Variants in TF observed in about 807,000 individuals in gnomAD.
The protein encoded by TF is serotransferrin.
Under a neutral mutation model 82.4 loss-of-function variants are expected in TF, and 55 were observed. The observed-to-expected ratio is 0.67, with a 90% CI of 0.54 to 0.84. TF has a LOEUF of 0.84. TF is among the 40% of genes least tolerant of loss of function. TF has a pLI of 0.00. For synonymous variants in TF, 332 were observed against 332.6 expected, an observed-to-expected ratio of 1.00 and a Z score of 0.02; for missense variants, 737 against 868.4, an observed-to-expected ratio of 0.85 and a Z score of 1.90.
At chr3:133,665,419 A>G in the TF span, among the ~76,000 whole-genome samples, 2 of 150,228 alleles carry the variant, frequency 1.3e-5, no homozygotes, top group Non-Finnish European at 3.0e-5. Context: ...GTGAGTCATG[A>G]TCATGCCACT....
At chr3:133,768,852 G>T (rs1322943294) in intron 13 of TF, among the ~76,000 whole-genome samples, 1 of 142,348 alleles carries the variant, frequency 7.0e-6, no homozygotes. Flanking sequence ...GAGTGTAGTG[G>T]CACACTCATG....
At chr3:133,699,274 G>C in the TF span, among the ~76,000 whole-genome samples, 1 of 152,228 alleles carries the variant, frequency 6.6e-6, no homozygotes, top group South Asian at 2.1e-4. Flanking sequence ...TGAACCAGCT[G>C]TTTCACTCCT....
the TF span, among the ~76,000 whole-genome samples, chr3:133,733,857 C>T: frequency 1.6e-5 from 1 of 63,516 alleles, no homozygotes; most frequent in East Asian, 4.4e-4. Context: ...TTCTTTCCTT[C>T]CTTAAAAAAC....
chr3:133,686,582 A>G, the TF span, among the ~76,000 whole-genome samples: 1 of 152,256 alleles, frequency 6.6e-6, no homozygotes, highest in Non-Finnish European at 1.5e-5. Flanking sequence ...CATGCAGCCA[A>G]CAGACACATG....
In TF at chr3:133,758,828, G is replaced by A. The variant is rs889031357; in HGVS notation, c.1049-347G>A. ...TCTGTGTTGGAGCTTCTGTTCTCCT[G>A]CAGAAAACCTGACAATAAACAATGA... On this transcript the variant is annotated intron_variant, in intron 8 of 16. Coordinates refer to ENST00000402696, the MANE Select transcript of TF (RefSeq NM_001063.4). Among the ~76,000 whole-genome samples, 4 of 152,204 alleles carry A rather than the reference G, an allele frequency of 2.6e-5. No homozygotes were observed. The East Asian group carries it at 7.7e-4, about 29-fold the overall frequency.
At chr3:133,685,903 G>A in the TF span, among the ~76,000 whole-genome samples, 8 of 152,148 alleles carry the variant, frequency 5.3e-5, no homozygotes, top group South Asian at 4.2e-4. Flanking sequence ...AATCCTAAGC[G>A]AAAAGAACAA....
intron 6 of TF, 79 bp downstream of exon 6, chr3:133,756,416 G>T: frequency 6.9e-7 from 1 of 1,439,126 alleles, no homozygotes; most frequent in Non-Finnish European, 9.7e-7. Flanking sequence ...TTCATGCTCA[G>T]TAATTGGAAA....
intron 8 of TF, among the ~76,000 whole-genome samples, chr3:133,758,482 C>T (rs1333852811): frequency 6.6e-6 from 1 of 152,070 alleles, no homozygotes; most frequent in African/African-American, 2.4e-5. Context: ...ATTCTGTTGT[C>T]CTGGAAATTT....
At position 133,759,227 on chromosome 3, in the gene TF, C is replaced by A; in HGVS notation, c.1101C>A (p.Ser367Arg). The change falls in exon 9 of 17, where the codon AGC (serine) becomes AGA (arginine). Residue 367 changes from serine (S) to arginine (R), a missense_variant. By Grantham distance (110) the Ser-to-Arg change is moderately radical. Coordinates refer to ENST00000402696, the MANE Select transcript of TF (RefSeq NM_001063.4). ...AGCCTGTGAAGTGGTGTGCGCTGAGCCACCACGAGAGGCTCAAGTGTGATG... is the reference window on the plus strand; with the variant it reads ...AGCCTGTGAAGTGGTGTGCGCTGAGACACCACGAGAGGCTCAAGTGTGATG... ...ECKPVKWCAL[S>R]HHERLKCDEW... The A allele has an allele frequency of 6.2e-7, 1 of 1,614,076 alleles. No homozygotes were observed.
At chr3:133,695,349 G>A in the TF span, among the ~76,000 whole-genome samples, 2 of 149,274 alleles carry the variant, frequency 1.3e-5, no homozygotes, top group Non-Finnish European at 3.0e-5. Flanking sequence ...CTGGGTTCAA[G>A]CGATTCTCCT....
chr3:133,766,361 G>A lies in TF; in HGVS notation c.1414G>A (p.Ala472Thr). Residue 472 changes from alanine to threonine, a missense_variant, in exon 12 of 17, where the codon GCA (alanine) becomes ACA (threonine). Ala to Thr is a moderately conservative substitution (Grantham distance 58, BLOSUM62 0). Coordinates refer to ENST00000402696, the MANE Select transcript of TF (RefSeq NM_001063.4). ...NLKGKKSCHTAVGRTAGWNIP... is the reference protein window; with the variant it reads ...NLKGKKSCHTTVGRTAGWNIP... ...GAAAGGCAAGAAGTCCTGCCATACG[G>A]CAGTTGGCAGAACCGCTGGCTGGAA... 6.2e-7 allele frequency: 1 copy of A among 1,614,200 alleles called. No homozygotes were observed.
At chr3:133,693,442 T>G in the TF span, among the ~76,000 whole-genome samples, 1 of 152,230 alleles carries the variant, frequency 6.6e-6, no homozygotes, top group Non-Finnish European at 1.5e-5. Flanking sequence ...GCCAGATCTT[T>G]TTGAACTCTG....
At chr3:133,725,051 T>A in the TF span, among the ~76,000 whole-genome samples, 1 of 152,218 alleles carries the variant, frequency 6.6e-6, no homozygotes, top group Non-Finnish European at 1.5e-5. Flanking sequence ...CTGTTTTGGT[T>A]ACTGTAGCCT....
rs1283453349 is a variant in TF at position 133,787,952 on chromosome 3, C to A, written c.*9332C>A. ...TTGGAAGTGAAATGATAACATCAAC[C>A]CTAAGTGACACATGGGCCCATATCC... On this transcript the variant is annotated 3_prime_UTR_variant, in exon 17 of 17. Transcript: ENST00000402696. The A allele has an allele frequency of 6.6e-6, 1 of 152,076 alleles. No homozygotes were observed. The highest frequency in any genetic ancestry group is 1.5e-5 in the Non-Finnish European group (1 of 68,008). 9.4% of individuals were successfully genotyped at this position (152,076 alleles called of 1,614,324 possible). A position where few individuals can be genotyped will look rare whatever the true frequency, so the allele number is the denominator to read the frequency against.
intron 2 of TF, among the ~76,000 whole-genome samples, chr3:133,751,229 C>CT (rs59638732): frequency 0.016 from 1,511 of 95,954 alleles, 42 homozygotes; most frequent in African/African-American, 0.055. Flanking sequence ...TAAGATTCCA[C>CT]TTTTTTTTTT....
chr3:133,760,887 C>A (rs1266759851), intron 9 of TF: 1 of 152,538 alleles, frequency 6.6e-6, no homozygotes, highest in Non-Finnish European at 1.5e-5. Context: ...GTCCAGGGCC[C>A]ATGGATTAAT....
intron 1 of TF, 45 bp downstream of exon 1, chr3:133,746,528 C>A (rs1236399409): frequency 3.8e-6 from 6 of 1,567,664 alleles, no homozygotes; most frequent in Non-Finnish European, 5.2e-6. Flanking sequence ...CTGGCCCGCG[C>A]GTTCCCTGCA....
At chr3:133,679,798 C>T in the TF span, among the ~76,000 whole-genome samples, 1 of 152,020 alleles carries the variant, frequency 6.6e-6, no homozygotes, top group South Asian at 2.1e-4. Context: ...TTTGGGAGGA[C>T]ATGTATTTTC....
chr3:133,679,569 C>CTTTTTTTTTTTTTTTT, the TF span, among the ~76,000 whole-genome samples: 3 of 75,382 alleles, frequency 4.0e-5, no homozygotes, highest in Non-Finnish European at 7.1e-5. Context: ...CTTTGTTTGG[C>CTTTTTTTTTTTTTTTT]TTTTTTTTTT....
Sources: allele counts gnomAD v4.1 joint callset (sites outside exome capture counted in the v4.1 genomes callset), GRCh38; gene constraint gnomAD v4.1.1; transcripts MANE v1.5; gene names NCBI Gene and HGNC (gene_info 2026-07-23, HGNC 2026-07-21).